The following P3H2 variants were observed in gnomAD, a reference collection of about 807,000 sequenced individuals.
The protein encoded by P3H2 is prolyl 3-hydroxylase 2.
Under a neutral mutation model 87.0 loss-of-function variants are expected in P3H2, and 80 were observed. That is an observed-to-expected ratio of 0.92 (90% confidence interval 0.77 to 1.11). The LOEUF is 1.11. P3H2 is among the 50% of genes least tolerant of loss of function. The pLI, the probability that P3H2 is intolerant of heterozygous loss-of-function variation, is 0.00. For synonymous variants in P3H2, 367 were observed against 359.3 expected, an observed-to-expected ratio of 1.02 and a Z score of -0.24; for missense variants, 1,001 against 923.9, an observed-to-expected ratio of 1.08 and a Z score of -1.08.
chr3:190,075,980 T>C (rs1219793040), intron 1 of P3H2, among the ~76,000 whole-genome samples: 13 of 152,158 alleles, frequency 8.5e-5, no homozygotes, highest in Admixed American at 6.5e-4. Flanking sequence ...CCAGGAAATT[T>C]GAGCATGGCT....
chr3:190,002,343 T>C (rs903522754), intron 1 of P3H2, among the ~76,000 whole-genome samples: 1 of 152,156 alleles, frequency 6.6e-6, no homozygotes, highest in African/African-American at 2.4e-5. Flanking sequence ...CAGAATTGCA[T>C]TCACTGTCAT....
intron 1 of P3H2, among the ~76,000 whole-genome samples, chr3:190,095,306 ATAT>A (rs1158408352): frequency 1.8e-4 from 2 of 11,226 alleles, no homozygotes; most frequent in African/African-American, 6.5e-4. Flanking sequence ...CTCAAAACAT[ATAT>A]ATATATATAT....
intron 1 of P3H2, among the ~76,000 whole-genome samples, chr3:190,068,237 A>T (rs1301581374): frequency 3.3e-5 from 5 of 152,196 alleles, no homozygotes; most frequent in Non-Finnish European, 7.3e-5. Context: ...AGGACCTTCA[A>T]AATAAAATCA....
At chr3:189,997,650 G>A (rs565512213) in intron 1 of P3H2, among the ~76,000 whole-genome samples, 2 of 152,220 alleles carry the variant, frequency 1.3e-5, no homozygotes, top group East Asian at 3.9e-4. Flanking sequence ...AAATGTAATT[G>A]CACATTTTTA....
intron 1 of P3H2, among the ~76,000 whole-genome samples, chr3:190,066,809 T>C (rs561033429): frequency 2.0e-5 from 3 of 152,240 alleles, no homozygotes; most frequent in East Asian, 3.9e-4. Flanking sequence ...TGTCTATTCA[T>C]GGCTCCCTGA....
intron 11 of P3H2, among the ~76,000 whole-genome samples, chr3:189,972,362 G>A (rs1723202737): frequency 6.6e-6 from 1 of 152,176 alleles, no homozygotes; most frequent in Non-Finnish European, 1.5e-5. Flanking sequence ...ATTTAATTCA[G>A]CTAAAACTTC....
intron 4 of P3H2, 132 bp from the exon 5 acceptor site, chr3:189,987,801 C>T: frequency 1.0e-6 from 1 of 965,674 alleles, no homozygotes; most frequent in South Asian, 1.4e-5. Context: ...TGAGGCTCAG[C>T]AGAGAAAGCA....
At chr3:190,059,002 T>C (rs577652696) in intron 1 of P3H2, among the ~76,000 whole-genome samples, 2 of 152,290 alleles carry the variant, frequency 1.3e-5, no homozygotes, top group South Asian at 4.1e-4. Flanking sequence ...CATTCAGTTG[T>C]TAAATCTCTG....
rs1275795850 is a variant in P3H2 at position 190,032,869 on chromosome 3, A to C, written c.481-37427T>G. 2.0e-5 allele frequency among the ~76,000 whole-genome samples: 3 copies of C among 152,176 alleles called. No individual in the cohort carries two copies. In the East Asian group the frequency reaches 5.8e-4, roughly 29 times the overall value. On this transcript the variant is annotated intron_variant, in intron 1 of 14. Transcript: ENST00000319332. ...GGAGGTAGGGTAGGGCGATGGTGTG[A>C]GAATGATTCAAGTGGATTACATTTA...
At chr3:190,065,963 C>A (rs1726485097) in intron 1 of P3H2, among the ~76,000 whole-genome samples, 1 of 151,866 alleles carries the variant, frequency 6.6e-6, no homozygotes, top group South Asian at 2.1e-4. Context: ...ATTGTTGGCC[C>A]AATGATCATT....
At chr3:190,109,785 C>T (rs73890218) in intron 1 of P3H2, among the ~76,000 whole-genome samples, 1 of 151,650 alleles carries the variant, frequency 6.6e-6, no homozygotes, top group African/African-American at 2.4e-5. Context: ...GGGCAAACTG[C>T]CTTCTAGTAT....
At chr3:190,119,184 G>C (rs1712428799) in intron 1 of P3H2, among the ~76,000 whole-genome samples, 1 of 125,950 alleles carries the variant, frequency 7.9e-6, no homozygotes, top group Non-Finnish European at 1.7e-5. Flanking sequence ...GAGGAGAGGA[G>C]AGGAGAGGAG....
intron 1 of P3H2, among the ~76,000 whole-genome samples, chr3:190,056,462 G>T (rs79367093): frequency 0.026 from 3,972 of 152,246 alleles, 193 homozygotes; most frequent in African/African-American, 0.092. Flanking sequence ...GGAAAAATAT[G>T]CAGTTTTAAA....
intron 1 of P3H2, among the ~76,000 whole-genome samples, chr3:190,043,596 T>C (rs905441185): frequency 6.6e-6 from 1 of 152,204 alleles, no homozygotes; most frequent in African/African-American, 2.4e-5. Context: ...GAATTGTATA[T>C]AGTTAATGTG....
rs57074960 is a variant in P3H2 at position 190,095,303 on chromosome 3, CATATATATAT to C, written c.480+24939_480+24948del. Among the ~76,000 whole-genome samples the C allele has an allele frequency of 0.011, 552 of 49,424 alleles. 9 individuals carry two copies. The East Asian group carries it at 0.12, about 10-fold the overall frequency. 32.4% of individuals were successfully genotyped at this position (49,424 alleles called of 152,430 possible). On this transcript the variant is annotated intron_variant, in intron 1 of 14. Transcript: ENST00000319332. ...GTCTCAAAGACAAATTGTCTCAAAA[CATATATATAT>C]ATATATATATATATATATATATATA...
chr3:190,108,107 T>TA lies in P3H2; in HGVS notation c.480+12144dup, dbSNP rs566728971. On this transcript the variant is annotated intron_variant, in intron 1 of 14. Transcript: ENST00000319332. ...CAGGCATGAGGCATTGTGCCCAGCC[T>TA]AAAAATTACCAGTATTTTTTAAATG... Among the ~76,000 whole-genome samples the TA allele has an allele frequency of 5.4e-3, 826 of 152,202 alleles. 6 individuals are homozygous for TA. The highest frequency in any genetic ancestry group is 0.014 in the Middle Eastern group (4 of 292).
chr3:190,006,432 G>A (rs1210132395), intron 1 of P3H2, among the ~76,000 whole-genome samples: 1 of 152,216 alleles, frequency 6.6e-6, no homozygotes, highest in Non-Finnish European at 1.5e-5. Context: ...GTGAGTTTGT[G>A]CATGTCTTGT....
intron 13 of P3H2, among the ~76,000 whole-genome samples, chr3:189,967,964 C>G (rs1474091975): frequency 6.6e-6 from 1 of 152,090 alleles, no homozygotes; most frequent in Admixed American, 6.6e-5. Flanking sequence ...CTATGAGGGA[C>G]AAGCATAAAA....
intron 1 of P3H2, among the ~76,000 whole-genome samples, chr3:190,076,714 G>GCCCA (rs1295260914): frequency 6.6e-6 from 1 of 152,192 alleles, no homozygotes; most frequent in Non-Finnish European, 1.5e-5. Flanking sequence ...ACATGTCCAA[G>GCCCA]CCCACATGGC....
Sources: allele counts gnomAD v4.1 joint callset (sites outside exome capture counted in the v4.1 genomes callset), GRCh38; gene constraint gnomAD v4.1.1; transcripts MANE v1.5; gene names NCBI Gene and HGNC (gene_info 2026-07-23, HGNC 2026-07-21).